The following CERS3 variants were observed in gnomAD, a reference collection of about 807,000 sequenced individuals.
CERS3 encodes the protein ceramide synthase 3.
In CERS3, 33 loss-of-function variants were observed where a neutral mutation model predicts 50.3. That is an observed-to-expected ratio of 0.66 (90% confidence interval 0.50 to 0.88). The LOEUF (loss-of-function observed/expected upper bound fraction) is 0.88, where lower values mean the gene tolerates loss of function less well. Ranked by LOEUF, CERS3 falls within the 40% of genes least tolerant of loss-of-function variation. The pLI is 0.00. For missense variants in CERS3, 470 were observed against 460.3 expected, an observed-to-expected ratio of 1.02 and a Z score of -0.19; for synonymous variants, 176 against 155.2, an observed-to-expected ratio of 1.13 and a Z score of -0.99.
chr15:100,462,657 C>T (rs1293810029), intron 10 of CERS3, among the ~76,000 whole-genome samples: 6 of 152,186 alleles, frequency 3.9e-5, no homozygotes, highest in Non-Finnish European at 8.8e-5. Context: ...AGTCTTGATT[C>T]TTCCATAACC....
At chr15:100,524,134 C>T (rs567488331) in intron 1 of CERS3, among the ~76,000 whole-genome samples, 7 of 152,040 alleles carry the variant, frequency 4.6e-5, no homozygotes, top group Admixed American at 1.3e-4. Context: ...TATTGAGAAC[C>T]ACTACCAGTA....
At chr15:100,542,884 TAA>T (rs1419845322) in intron 1 of CERS3, among the ~76,000 whole-genome samples, 1 of 152,198 alleles carries the variant, frequency 6.6e-6, no homozygotes, top group African/African-American at 2.4e-5. Context: ...CTGTTTGTGA[TAA>T]ACTCTGTTGC....
chr15:100,424,215 A>G (rs551926070), intron 11 of CERS3, among the ~76,000 whole-genome samples: 1 of 152,300 alleles, frequency 6.6e-6, no homozygotes, highest in African/African-American at 2.4e-5. Flanking sequence ...TGCTGGGATT[A>G]CAGGTGTGAG....
At chr15:100,415,163 T>C (rs1023916655) in intron 11 of CERS3, among the ~76,000 whole-genome samples, 1 of 152,066 alleles carries the variant, frequency 6.6e-6, no homozygotes, top group Non-Finnish European at 1.5e-5. Flanking sequence ...CCAACAAACA[T>C]ATGAGAAAAA....
intron 10 of CERS3, among the ~76,000 whole-genome samples, chr15:100,460,033 T>C (rs962330357): frequency 2.6e-5 from 4 of 152,230 alleles, no homozygotes; most frequent in African/African-American, 9.6e-5. Context: ...TTAAATTATG[T>C]TAATTAGCTT....
At chr15:100,503,064 T>C (rs1415101128) in intron 2 of CERS3, among the ~76,000 whole-genome samples, 1 of 152,248 alleles carries the variant, frequency 6.6e-6, no homozygotes, top group East Asian at 1.9e-4. Flanking sequence ...TTGTTTAGGC[T>C]GTGATCATTT....
At chr15:100,404,702 C>CA (rs528749790) in intron 11 of CERS3, among the ~76,000 whole-genome samples, 24 of 152,262 alleles carry the variant, frequency 1.6e-4, no homozygotes, top group Admixed American at 4.6e-4. Flanking sequence ...TGGGAGGACT[C>CA]ACACTGCCAG....
intron 11 of CERS3, among the ~76,000 whole-genome samples, chr15:100,445,131 C>T (rs1029494453): frequency 1.3e-5 from 2 of 151,404 alleles, no homozygotes; most frequent in African/African-American, 2.4e-5. Flanking sequence ...TGGAATGCTA[C>T]AAGGTACAGC....
chr15:100,412,628 T>C (rs1431778154), intron 11 of CERS3, among the ~76,000 whole-genome samples: 1 of 152,164 alleles, frequency 6.6e-6, no homozygotes, highest in Non-Finnish European at 1.5e-5. Flanking sequence ...AGAAGAAAAA[T>C]AGAGCCAATT....
In CERS3 at chr15:100,501,681, C is replaced by A; in HGVS notation, c.169G>T (p.Glu57Ter). ...AAAGACACAAGTACTACTTACTTTT[C>A]AAATACACGTCTGATAATCAGCAAG... ...FLLLIIRRVFEKFVASPLAKS... is the reference protein window; with the variant it reads ...FLLLIIRRVF The change falls in exon 3 of 12, where the codon GAA becomes TAA. Residue 57 changes from glutamate (E) to a stop codon, truncating the protein, a stop_gained. Coordinates refer to ENST00000679737, the MANE Select transcript of CERS3 (RefSeq NM_001378789.1). LOFTEE classifies it high-confidence loss of function. 1 of 1,611,958 alleles carries A rather than the reference C, an allele frequency of 6.2e-7. No homozygotes were observed. The highest frequency in any genetic ancestry group is 1.1e-5 in the South Asian group (1 of 90,970).
chr15:100,434,812 G>C (rs1049577802), intron 11 of CERS3, among the ~76,000 whole-genome samples: 3 of 152,206 alleles, frequency 2.0e-5, no homozygotes, highest in Non-Finnish European at 4.4e-5. Context: ...TACGACATCT[G>C]TGTGTGTGCG....
intron 3 of CERS3, among the ~76,000 whole-genome samples, chr15:100,491,990 T>C (rs2035668416): frequency 6.6e-6 from 1 of 151,950 alleles, no homozygotes; most frequent in Admixed American, 6.6e-5. Flanking sequence ...CCACCCGAAG[T>C]GTTGGGATTA....
chr15:100,543,970 G>C (rs2037268705), intron 1 of CERS3, among the ~76,000 whole-genome samples: 2 of 150,918 alleles, frequency 1.3e-5, no homozygotes, highest in South Asian at 4.2e-4. Flanking sequence ...ACTGCTACCT[G>C]GGAAAAACAA....
At chr15:100,465,656 G>C (rs1251562597) in intron 10 of CERS3, among the ~76,000 whole-genome samples, 1 of 149,622 alleles carries the variant, frequency 6.7e-6, no homozygotes, top group Non-Finnish European at 1.5e-5. Context: ...CTGTTGTTTT[G>C]AACTTTTTTT....
chr15:100,462,105 C>T (rs2034568802), intron 10 of CERS3, among the ~76,000 whole-genome samples: 1 of 152,222 alleles, frequency 6.6e-6, no homozygotes, highest in Non-Finnish European at 1.5e-5. Context: ...CACCTTACAG[C>T]AACTGAATGG....
chr15:100,411,874 T>G (rs1481923126), intron 11 of CERS3, among the ~76,000 whole-genome samples: 1 of 152,220 alleles, frequency 6.6e-6, no homozygotes, highest in Non-Finnish European at 1.5e-5. Context: ...GATGAGTATC[T>G]TTTCATGTGC....
At chr15:100,467,570 C>A (rs2034788224) in intron 10 of CERS3, among the ~76,000 whole-genome samples, 1 of 151,814 alleles carries the variant, frequency 6.6e-6, no homozygotes, top group African/African-American at 2.4e-5. Context: ...TCTTAAGCCA[C>A]TAGACTTTTA....
chr15:100,464,848 A>G (rs944455053), intron 10 of CERS3, among the ~76,000 whole-genome samples: 2 of 152,202 alleles, frequency 1.3e-5, no homozygotes, highest in Non-Finnish European at 2.9e-5. Flanking sequence ...TTTCTGCCTA[A>G]TGTTAATGAA....
chr15:100,486,446 G>A (rs2035486888), intron 4 of CERS3, among the ~76,000 whole-genome samples: 1 of 152,246 alleles, frequency 6.6e-6, no homozygotes, highest in Non-Finnish European at 1.5e-5. Flanking sequence ...TCCGAGGGAT[G>A]ATTTGAGGAC....
Sources: allele counts gnomAD v4.1 joint callset (sites outside exome capture counted in the v4.1 genomes callset), GRCh38; gene constraint gnomAD v4.1.1; transcripts MANE v1.5; gene names NCBI Gene and HGNC (gene_info 2026-07-23, HGNC 2026-07-21).